Variants in SUZ12 observed in about 807,000 individuals in gnomAD.
SUZ12 encodes the protein SUZ12 polycomb repressive complex 2 subunit.
In SUZ12, 17 loss-of-function variants were observed where a neutral mutation model predicts 87.3. The observed-to-expected ratio is 0.19, with a 90% CI of 0.13 to 0.29. The LOEUF is 0.29. Among genes scored for constraint, SUZ12 ranks in the 10% least tolerant of loss-of-function variants. The pLI is 1.00. For synonymous variants in SUZ12, 253 were observed against 312.4 expected, an observed-to-expected ratio of 0.81 and a Z score of 2.01; for missense variants, 526 against 912.2, an observed-to-expected ratio of 0.58 and a Z score of 5.45.
At chr17:31,962,483 T>C (rs572916628) in intron 4 of SUZ12, among the ~76,000 whole-genome samples, 294 of 152,000 alleles carry the variant, frequency 1.9e-3, no homozygotes, top group African/African-American at 5.8e-3. Flanking sequence ...TCAGCTACTC[T>C]TGGAGGCTGA....
chr17:31,946,355 G>A (rs1159156909), intron 3 of SUZ12, among the ~76,000 whole-genome samples: 1 of 152,120 alleles, frequency 6.6e-6, no homozygotes, highest in Admixed American at 6.6e-5. Flanking sequence ...CCAACATGGT[G>A]AAACCCTGTC....
At chr17:31,939,382 T>C (rs1359367686) in intron 1 of SUZ12, among the ~76,000 whole-genome samples, 2 of 151,804 alleles carry the variant, frequency 1.3e-5, no homozygotes, top group African/African-American at 4.8e-5. Flanking sequence ...CTGGGCAACA[T>C]ATCAAGACCC....
intron 4 of SUZ12, among the ~76,000 whole-genome samples, chr17:31,964,367 C>G (rs1280421932): frequency 6.7e-6 from 1 of 149,156 alleles, no homozygotes; most frequent in Non-Finnish European, 1.5e-5. Flanking sequence ...AACATACTTT[C>G]TGTACTACTG....
intron 4 of SUZ12, among the ~76,000 whole-genome samples, chr17:31,956,074 G>A (rs1907314793): frequency 6.6e-6 from 1 of 151,542 alleles, no homozygotes; most frequent in African/African-American, 2.4e-5. Context: ...CACCACGCCC[G>A]GCTAATTTTT....
At chr17:31,988,630 T>C in intron 10 of SUZ12, 133 bp downstream of exon 10, 2 of 941,382 alleles carry the variant, frequency 2.1e-6, no homozygotes, top group Non-Finnish European at 3.0e-6. Context: ...TCTTGCTCTG[T>C]TGCCCAGGCA....
chr17:31,988,334 C>T lies in SUZ12; in HGVS notation c.1038C>T (p.Phe346=), dbSNP rs769636505. Residue 346 remains phenylalanine, a synonymous_variant, in exon 10 of 16, where the codon TTC becomes TTT. Coordinates refer to ENST00000322652, the MANE Select transcript of SUZ12 (RefSeq NM_015355.4). ...TTATTTTTTAGAGGCTGCCTCCATT[C>T]GAAACATTTTCTCAGGGACCTACGT... The part of the protein sequence containing the change: ...TILDGKRLPP[F]ETFSQGPTLQ... 118 of 1,565,974 alleles carry T rather than the reference C, an allele frequency of 7.5e-5. No individual in the cohort carries two copies. The highest frequency in any genetic ancestry group is 3.1e-4 in the Admixed American group (15 of 48,678).
chr17:31,978,429 G>A (rs1169798723), intron 8 of SUZ12, among the ~76,000 whole-genome samples: 2 of 152,032 alleles, frequency 1.3e-5, no homozygotes, highest in Non-Finnish European at 2.9e-5. Flanking sequence ...GGCTGGTCTG[G>A]AGCTCCTGAC....
chr17:31,948,393 GTGTT>G (rs1334370633), intron 4 of SUZ12, among the ~76,000 whole-genome samples: 1 of 152,100 alleles, frequency 6.6e-6, no homozygotes, highest in Non-Finnish European at 1.5e-5. Flanking sequence ...AGCTTGGGTG[GTGTT>G]TGTTCATTCA....
intron 5 of SUZ12, among the ~76,000 whole-genome samples, chr17:31,967,831 A>G (rs764914936): frequency 2.6e-5 from 4 of 152,042 alleles, no homozygotes; most frequent in Non-Finnish European, 5.9e-5. Context: ...GCACAACTCT[A>G]CTCCAGGCTG....
intron 9 of SUZ12, among the ~76,000 whole-genome samples, chr17:31,987,789 T>C (rs1014197468): frequency 1.3e-5 from 2 of 151,946 alleles, no homozygotes; most frequent in Non-Finnish European, 2.9e-5. Context: ...ACACAAAAAA[T>C]TAGCTGGGCG....
rs553502284 is a variant in SUZ12 at position 31,941,580 on chromosome 17, C to T, written c.386+1094C>T. On this transcript the variant is annotated intron_variant, in intron 3 of 15. Transcript: ENST00000322652. ...CCTTTTTTTTTTTGAAACGGAGTCT[C>T]GCTCTGTCTCCCAGGCTGGAGTGCA... Among the ~76,000 whole-genome samples the T allele has an allele frequency of 5.6e-5, 8 of 141,996 alleles. No individual in the cohort carries two copies. The East Asian group carries it at 1.1e-3, about 20-fold the overall frequency. 93.2% of individuals were successfully genotyped at this position (141,996 alleles called of 152,430 possible).
intron 3 of SUZ12, among the ~76,000 whole-genome samples, chr17:31,941,927 A>G (rs1567810898): frequency 1.3e-5 from 2 of 151,940 alleles, no homozygotes; most frequent in South Asian, 4.2e-4. Context: ...ATATCGGCTC[A>G]CTGCAACCTC....
At chr17:31,939,714 CAG>C (rs1906158917) in intron 1 of SUZ12, among the ~76,000 whole-genome samples, 1 of 152,030 alleles carries the variant, frequency 6.6e-6, no homozygotes, top group African/African-American at 2.4e-5. Context: ...TTGGTGGAGA[CAG>C]GGTTTCTCCA....
At chr17:31,946,196 A>G (rs2142126854) in intron 3 of SUZ12, among the ~76,000 whole-genome samples, 1 of 152,296 alleles carries the variant, frequency 6.6e-6, no homozygotes, top group Middle Eastern at 3.4e-3. Context: ...ATTTACATTA[A>G]CATTTCTCTA....
rs1322256963 is a variant in SUZ12, at chr17:31,988,508, A to T, written c.1201+11A>T. The stretch of plus-strand genomic sequence containing the variant: ...CTACTCAAACTATTGGTAAGAAAAC[A>T]TTGCAATCAAAATAATAAAATAATG... On this transcript the variant is annotated intron_variant, in intron 10 of 15. Transcript: ENST00000322652. The T allele has an allele frequency of 3.2e-6, 5 of 1,583,432 alleles. No individual in the cohort carries two copies. The highest frequency in any genetic ancestry group is 4.3e-6 in the Non-Finnish European group (5 of 1,169,904).
intron 3 of SUZ12, among the ~76,000 whole-genome samples, chr17:31,942,572 G>A (rs1372687480): frequency 1.3e-5 from 2 of 151,698 alleles, no homozygotes; most frequent in African/African-American, 2.4e-5. Flanking sequence ...CCTGACCTCA[G>A]GTGATCCACT....
intron 4 of SUZ12, among the ~76,000 whole-genome samples, chr17:31,954,534 A>G (rs1907190593): frequency 6.6e-6 from 1 of 152,150 alleles, no homozygotes. Context: ...CCTCGGGTAT[A>G]TAAGGGTGAA....
chr17:31,997,859 A>T (rs142129841), intron 15 of SUZ12, among the ~76,000 whole-genome samples: 208 of 152,216 alleles, frequency 1.4e-3, no homozygotes, highest in African/African-American at 4.6e-3. Context: ...AATTTTTCAG[A>T]ATAAAACGTG....
At chr17:31,940,560 T>TA (rs58826220) in intron 3 of SUZ12, 74 bp downstream of exon 3, 25,687 of 1,076,386 alleles carry the variant, frequency 0.024, 18 homozygotes, top group South Asian at 0.043. Context: ...TTCTCAAAAT[T>TA]AAAAAAAAAA....
Sources: gnomAD v4.1 joint callset for allele counts (sites outside exome capture counted in the v4.1 genomes callset) on GRCh38, gnomAD v4.1.1 for gene constraint, MANE v1.5 for transcripts, NCBI Gene and HGNC (gene_info 2026-07-23, HGNC 2026-07-21) for gene names.